The following CRIM1 variants were observed in gnomAD, a reference collection of about 807,000 sequenced individuals.
CRIM1 encodes the protein cysteine-rich motor neuron 1 protein.
CRIM1 carries 32 observed loss-of-function variants against 116.4 expected under a neutral mutation model. The observed-to-expected ratio is 0.27, with a 90% confidence interval of 0.21 to 0.37. The LOEUF (loss-of-function observed/expected upper bound fraction) is 0.37, where lower values mean the gene tolerates loss of function less well. CRIM1 is among the 10% of genes least tolerant of loss of function. The pLI, the probability that CRIM1 is intolerant of heterozygous loss-of-function variation, is 1.00. For missense variants in CRIM1, 1,331 were observed against 1,354.8 expected (o/e 0.98, Z 0.28); for synonymous variants, 590 against 509.2 (o/e 1.16, Z -2.13).
At chr2:36,364,832 T>C (rs574623701) in intron 1 of CRIM1, among the ~76,000 whole-genome samples, 2 of 151,412 alleles carry the variant, frequency 1.3e-5, no homozygotes, top group South Asian at 4.2e-4. Context: ...ATATATAAGA[T>C]TGTGTGTGTG....
At chr2:36,538,092 CACT>C (rs1196175598) in intron 14 of CRIM1, among the ~76,000 whole-genome samples, 1 of 152,186 alleles carries the variant, frequency 6.6e-6, no homozygotes, top group Non-Finnish European at 1.5e-5. Flanking sequence ...TTAACGCAAC[CACT>C]GAGTGTACCC....
chr2:36,465,282 A>T (rs1677918590), intron 5 of CRIM1, among the ~76,000 whole-genome samples: 1 of 152,036 alleles, frequency 6.6e-6, no homozygotes, highest in Non-Finnish European at 1.5e-5. Context: ...ATATGGGAGG[A>T]TTTGGTGTTT....
At chr2:36,401,028 G>A (rs757387716) in intron 2 of CRIM1, among the ~76,000 whole-genome samples, 1 of 152,206 alleles carries the variant, frequency 6.6e-6, no homozygotes, top group East Asian at 1.9e-4. Flanking sequence ...GAGAAAACAT[G>A]GGTCTCCATT....
Position 36,414,582 on chromosome 2 carries a change from A to G in CRIM1, c.505+17795A>G, listed in dbSNP as rs148910280. Among the ~76,000 whole-genome samples the G allele has an allele frequency of 2.0e-5, 3 of 152,354 alleles. No homozygotes were observed. In the East Asian group the frequency reaches 5.8e-4, roughly 29 times the overall value. On this transcript the variant is annotated intron_variant, in intron 2 of 16. Coordinates refer to ENST00000280527, the MANE Select transcript of CRIM1 (RefSeq NM_016441.3). The stretch of plus-strand genomic sequence containing the variant: ...ACGTACAGGGTACTGAGACTGAGAT[A>G]GGATAGCTTGAGAAAGTCTCTCCTC...
chr2:36,401,865 A>G (rs3770932), intron 2 of CRIM1, among the ~76,000 whole-genome samples: 111,285 of 152,200 alleles, frequency 0.73, 41,738 homozygotes, highest in East Asian at 0.98. Flanking sequence ...TACATACGTG[A>G]CACTGTTGTA....
chr2:36,504,558 A>G (rs1168770155), intron 8 of CRIM1, among the ~76,000 whole-genome samples: 1 of 152,240 alleles, frequency 6.6e-6, no homozygotes, highest in Non-Finnish European at 1.5e-5. Flanking sequence ...CACTAAGAAA[A>G]GTAGTACTCC....
At chr2:36,525,951 A>C (rs1316848412) in intron 13 of CRIM1, among the ~76,000 whole-genome samples, 1 of 152,248 alleles carries the variant, frequency 6.6e-6, no homozygotes, top group Non-Finnish European at 1.5e-5. Flanking sequence ...GTCACTAATG[A>C]GCAATGATAA....
chr2:36,534,559 CAGGA>C (rs1376711321), intron 13 of CRIM1, among the ~76,000 whole-genome samples: 1 of 94,536 alleles, frequency 1.1e-5, no homozygotes, highest in Admixed American at 1.5e-4. Flanking sequence ...GAGGGAGGGA[CAGGA>C]AGGAAGGGAG....
intron 11 of CRIM1, among the ~76,000 whole-genome samples, chr2:36,514,486 A>G (rs1664906310): frequency 6.6e-6 from 1 of 152,206 alleles, no homozygotes; most frequent in African/African-American, 2.4e-5. Flanking sequence ...AGTTAGGGAA[A>G]AACACATTGA....
At chr2:36,370,626 T>G (rs1303720821) in intron 1 of CRIM1, among the ~76,000 whole-genome samples, 1 of 152,180 alleles carries the variant, frequency 6.6e-6, no homozygotes, top group African/African-American at 2.4e-5. Context: ...GTTATTATAT[T>G]TTTAAAATTG....
chr2:36,399,041 G>T (rs946238350), intron 2 of CRIM1, among the ~76,000 whole-genome samples: 4 of 152,174 alleles, frequency 2.6e-5, no homozygotes, highest in African/African-American at 9.7e-5. Context: ...GACGAAAGAA[G>T]AAAATGTGGA....
chr2:36,441,136 T>G, intron 2 of CRIM1, 122 bp from the exon 3 acceptor site: 1 of 1,337,258 alleles, frequency 7.5e-7, no homozygotes, highest in South Asian at 1.4e-5. Context: ...AGGTTTACAC[T>G]GAATTTCTTT....
At chr2:36,495,923 G>T (rs1680557947) in intron 7 of CRIM1, among the ~76,000 whole-genome samples, 1 of 152,040 alleles carries the variant, frequency 6.6e-6, no homozygotes, top group African/African-American at 2.4e-5. Context: ...TCGTAATGTT[G>T]TTCTCATGGA....
At chr2:36,519,968 G>A (rs966508997) in intron 12 of CRIM1, among the ~76,000 whole-genome samples, 2 of 152,134 alleles carry the variant, frequency 1.3e-5, no homozygotes, top group Non-Finnish European at 2.9e-5. Context: ...CACTGGTAAA[G>A]ATCAAATAAA....
At chr2:36,441,546 G>T in intron 3 of CRIM1, 46 bp downstream of exon 3, 1 of 1,593,178 alleles carries the variant, frequency 6.3e-7, no homozygotes, top group East Asian at 2.2e-5. Flanking sequence ...TTGCATCAGA[G>T]GGTAGCAGAT....
chr2:36,445,142 C>G (rs1371821060), intron 4 of CRIM1, among the ~76,000 whole-genome samples: 1 of 152,108 alleles, frequency 6.6e-6, no homozygotes, highest in Non-Finnish European at 1.5e-5. Flanking sequence ...CTCTCTTAGC[C>G]AAGATGATTT....
At chr2:36,391,363 C>T (rs1338104467) in intron 1 of CRIM1, among the ~76,000 whole-genome samples, 1 of 150,470 alleles carries the variant, frequency 6.6e-6, no homozygotes, top group African/African-American at 2.4e-5. Context: ...CTCCTGACCT[C>T]GTGATCCGCC....
chr2:36,411,957 C>G (rs1488917447), intron 2 of CRIM1, among the ~76,000 whole-genome samples: 3 of 152,156 alleles, frequency 2.0e-5, no homozygotes, highest in Non-Finnish European at 4.4e-5. Flanking sequence ...AACAACCACA[C>G]CCAACTTTGC....
chr2:36,364,715 C>T (rs1177299206), intron 1 of CRIM1, among the ~76,000 whole-genome samples: 1 of 152,066 alleles, frequency 6.6e-6, no homozygotes, highest in Non-Finnish European at 1.5e-5. Flanking sequence ...TGTTTAGTTT[C>T]TCTGAGCTTC....
Sources: allele counts gnomAD v4.1 joint callset (sites outside exome capture counted in the v4.1 genomes callset), GRCh38; gene constraint gnomAD v4.1.1; transcripts MANE v1.5; gene names NCBI Gene and HGNC (gene_info 2026-07-23, HGNC 2026-07-21).